Variants in SLC6A7 observed in about 807,000 individuals in gnomAD.
The protein encoded by SLC6A7 is sodium-dependent proline transporter.
In SLC6A7, 58 loss-of-function variants were observed where a neutral mutation model predicts 73.1. The observed-to-expected ratio is 0.79, with a 90% confidence interval of 0.64 to 0.99. The LOEUF (loss-of-function observed/expected upper bound fraction) is 0.99, where lower values mean the gene tolerates loss of function less well. Ranked by LOEUF, SLC6A7 falls within the 50% of genes least tolerant of loss-of-function variation. SLC6A7 has a pLI of 0.00. For missense variants in SLC6A7, 783 were observed against 831.4 expected (o/e 0.94, Z 0.72); for synonymous variants, 338 against 338.7 (o/e 1.00, Z 0.02).
rs1174338735 is a variant in SLC6A7, at chr5:150,204,521, T to C, written c.1333-11T>C. 1 of 1,606,364 alleles carries C rather than the reference T, an allele frequency of 6.2e-7. No individual in the cohort carries two copies. Among genetic ancestry groups the C allele is most frequent in the Non-Finnish European group, 8.5e-7 (1 of 1,172,884 alleles). On this transcript the variant is annotated splice_polypyrimidine_tract_variant and intron_variant, in intron 10 of 13. Transcript: ENST00000230671. The stretch of plus-strand genomic sequence containing the variant: ...CAGGAAGGGGACACCAGAACTGTGC[T>C]TGTGTTTTAGGGGGGCATGTACTGG...
At chr5:150,202,542 C>G (rs1257090571) in intron 7 of SLC6A7, 37 bp from the exon 8 acceptor site, 3 of 1,611,710 alleles carry the variant, frequency 1.9e-6, no homozygotes, top group Non-Finnish European at 2.5e-6. Flanking sequence ...AAGGAAGGCC[C>G]ACTCACCCTG....
intron 3 of SLC6A7, 48 bp downstream of exon 3, chr5:150,196,895 G>C (rs889783047): frequency 6.3e-7 from 1 of 1,587,844 alleles, no homozygotes; most frequent in Non-Finnish European, 8.6e-7. Context: ...GGGTCTGGGG[G>C]AGGCAGGGAG....
chr5:150,205,572 C>G lies in SLC6A7; in HGVS notation c.1650C>G (p.Ile550Met), dbSNP rs376947497. The G allele has an allele frequency of 3.1e-6, 5 of 1,613,502 alleles. No individual in the cohort carries two copies. Among genetic ancestry groups the G allele is most frequent in the Non-Finnish European group, 3.4e-6 (4 of 1,179,828 alleles). ...TGGGCCTGCTGTCCTGCCTCATGATCCCAGCTGGCATGCTGGTGGCTGTGC... is the reference window on the plus strand; with the variant it reads ...TGGGCCTGCTGTCCTGCCTCATGATGCCAGCTGGCATGCTGGTGGCTGTGC... ...ILMGLLSCLM[I>M]PAGMLVAVLR... is the part of the protein sequence containing the mutation. The change falls in exon 13 of 14, where the codon ATC (isoleucine) becomes ATG (methionine). Residue 550 changes from isoleucine to methionine, a missense_variant. By Grantham distance (10) the Ile-to-Met change is conservative. Transcript: ENST00000230671.
chr5:150,203,219 C>T (rs931334172), intron 8 of SLC6A7, among the ~76,000 whole-genome samples: 2 of 152,120 alleles, frequency 1.3e-5, no homozygotes, highest in African/African-American at 4.8e-5. Context: ...TAACCCATGT[C>T]TGGAGGCCAA....
At position 150,210,274 on chromosome 5, in the gene SLC6A7, G is replaced by C. The variant is rs1266974121; in HGVS notation, c.*659G>C. 6.3e-6 allele frequency: 1 copy of C among 157,828 alleles called. No homozygotes were observed. The highest frequency in any genetic ancestry group is 2.4e-5 in the African/African-American group (1 of 41,636). 9.8% of individuals were successfully genotyped at this position (157,828 alleles called of 1,614,324 possible). ...GAGGGCAGGGTGGGGAGGAGCTCTG[G>C]GCCAGAGGATGCTGAGCTGCCTGGG... On this transcript the variant is annotated 3_prime_UTR_variant, in exon 14 of 14. Transcript: ENST00000230671.
intron 3 of SLC6A7, 88 bp downstream of exon 3, chr5:150,196,935 G>A (rs1157039416): frequency 6.5e-7 from 1 of 1,540,656 alleles, no homozygotes; most frequent in Non-Finnish European, 8.8e-7. Context: ...CCAGCTCCAG[G>A]CAGAGGTGGA....
intron 1 of SLC6A7, among the ~76,000 whole-genome samples, chr5:150,191,598 T>C (rs1752790174): frequency 6.6e-6 from 1 of 151,986 alleles, no homozygotes; most frequent in South Asian, 2.1e-4. Flanking sequence ...GCCTGGCTAA[T>C]GTTTTGTATT....
intron 4 of SLC6A7, among the ~76,000 whole-genome samples, chr5:150,197,877 G>T (rs1342912431): frequency 2.6e-5 from 4 of 152,134 alleles, no homozygotes; most frequent in Non-Finnish European, 5.9e-5. Context: ...ACTGTCATCA[G>T]AATTAAACAA....
In SLC6A7 at chr5:150,196,794, A is replaced by C. The variant is rs1355687200; in HGVS notation, c.296A>C (p.Gln99Pro). 6.2e-7 allele frequency: 1 copy of C among 1,614,036 alleles called. No homozygotes were observed. The highest frequency in any genetic ancestry group is 2.2e-5 in the East Asian group (1 of 44,854). The change falls in exon 3 of 14, where the codon CAG becomes CCG. Residue 99 changes from glutamine (Q) to proline (P), a missense_variant. Coordinates refer to ENST00000230671, the MANE Select transcript of SLC6A7 (RefSeq NM_014228.5). The stretch of plus-strand genomic sequence containing the variant: ...TTCTTCCTGGAGCTCTCCCTGGGCC[A>C]GTTCTCCAGCCTAGGGCCCCTGGCT... ...PLFFLELSLG[Q>P]FSSLGPLAVW... is the part of the protein sequence containing the mutation.
chr5:150,203,821 G>GTGTGTT, intron 9 of SLC6A7, 42 bp downstream of exon 9: 1 of 400,292 alleles, frequency 2.5e-6, no homozygotes, highest in Non-Finnish European at 3.6e-6. Flanking sequence ...TGTGTGTGTG[G>GTGTGTT]TGTGTGTGTG....
Position 150,203,768 on chromosome 5 carries a change from C to G in SLC6A7, c.1189C>G (p.Leu397Val), listed in dbSNP as rs769642168. Residue 397 changes from leucine to valine, a missense_variant, in exon 9 of 14, where the codon CTA (leucine) becomes GTA (valine). Transcript: ENST00000230671. ...CTTCTTCATGCTTCTGACTCTCGGC[C>G]TAGATAGCCAGGTGAGTCTCGTCTG... ...LFFFMLLTLGLDSQFAFLETI... is the reference protein window; with the variant it reads ...LFFFMLLTLGVDSQFAFLETI... 1 of 1,598,148 alleles carries G rather than the reference C, an allele frequency of 6.3e-7. No individual in the cohort carries two copies. The highest frequency in any genetic ancestry group is 1.4e-5 in the African/African-American group (1 of 74,024).
intron 3 of SLC6A7, 35 bp from the exon 4 acceptor site, chr5:150,197,007 G>A (rs1235958322): frequency 5.0e-6 from 8 of 1,593,626 alleles, no homozygotes; most frequent in Non-Finnish European, 6.9e-6. Flanking sequence ...CAGAGAGCTT[G>A]GCCTGGGCAG....
At chr5:150,190,437 G>A in intron 1 of SLC6A7, 77 bp downstream of exon 1, 1 of 1,065,382 alleles carries the variant, frequency 9.4e-7, no homozygotes, top group Non-Finnish European at 1.3e-6. Context: ...GAGGCCCCTG[G>A]GGAAGGTCTG....
At position 150,209,698 on chromosome 5, in the gene SLC6A7, T is replaced by C; in HGVS notation, c.*83T>C. On this transcript the variant is annotated 3_prime_UTR_variant, in exon 14 of 14. Coordinates refer to ENST00000230671, the MANE Select transcript of SLC6A7 (RefSeq NM_014228.5). Reference sequence around the variant, plus strand: ...GCCTGCAAAGGTCAGCTGTGCCCTCTGGGATTCTGAGAGGCTATGGGGGGG... The same window carrying C: ...GCCTGCAAAGGTCAGCTGTGCCCTCCGGGATTCTGAGAGGCTATGGGGGGG... 8.5e-7 allele frequency: 1 copy of C among 1,171,926 alleles called. No individual in the cohort carries two copies. The highest frequency in any genetic ancestry group is 1.4e-5 in the South Asian group (1 of 72,048). The allele number at this position is 1,171,926 out of a possible 1,614,324, so 72.6% of individuals were successfully genotyped here. A position where few individuals can be genotyped will look rare whatever the true frequency, so the allele number is the denominator to read the frequency against.
At chr5:150,201,292 C>T (rs1753371201) in intron 6 of SLC6A7, 69 bp downstream of exon 6, 2 of 1,293,026 alleles carry the variant, frequency 1.5e-6, no homozygotes, top group South Asian at 1.4e-5. Flanking sequence ...AGAGGGCTCC[C>T]TGGGACACCG....
At chr5:150,204,256 C>T (rs1265227226) in intron 10 of SLC6A7, among the ~76,000 whole-genome samples, 1 of 152,202 alleles carries the variant, frequency 6.6e-6, no homozygotes, top group Non-Finnish European at 1.5e-5. Context: ...TGGGTTCAAA[C>T]CTGACTCCTG....
intron 5 of SLC6A7, 92 bp from the exon 6 acceptor site, chr5:150,200,997 G>C (rs1753348528): frequency 1.4e-6 from 2 of 1,414,050 alleles, no homozygotes; most frequent in Non-Finnish European, 2.0e-6. Flanking sequence ...CTACCCAAAG[G>C]CTGGGGAGGC....
intron 13 of SLC6A7, among the ~76,000 whole-genome samples, chr5:150,206,783 G>C (rs947060697): frequency 1.3e-5 from 2 of 152,350 alleles, no homozygotes; most frequent in East Asian, 3.9e-4. Context: ...TGCAAAGGGA[G>C]GGAAGAGAGG....
chr5:150,206,188 C>T (rs1229932425), intron 13 of SLC6A7, among the ~76,000 whole-genome samples: 1 of 152,180 alleles, frequency 6.6e-6, no homozygotes, highest in Non-Finnish European at 1.5e-5. Context: ...GTCTGAGCCT[C>T]ATTGCACCCT....
Sources: allele counts gnomAD v4.1 joint callset (sites outside exome capture counted in the v4.1 genomes callset), GRCh38; gene constraint gnomAD v4.1.1; transcripts MANE v1.5; gene names NCBI Gene and HGNC (gene_info 2026-07-23, HGNC 2026-07-21).